Variants in NPEPL1 observed in about 807,000 individuals in gnomAD.
NPEPL1 encodes probable aminopeptidase NPEPL1.
In NPEPL1, 45 loss-of-function variants were observed where a neutral mutation model predicts 52.4. That is an observed-to-expected ratio of 0.86 (90% CI 0.68 to 1.10). NPEPL1 has a LOEUF of 1.10. NPEPL1 is among the 50% of genes least tolerant of loss of function. NPEPL1 has a pLI of 0.00. For missense variants in NPEPL1, 696 were observed against 710.9 expected (o/e 0.98, Z 0.24); for synonymous variants, 360 against 314.7 (o/e 1.14, Z -1.52).
At chr20:58,697,123 G>A (rs778760787) in intron 3 of NPEPL1, among the ~76,000 whole-genome samples, 41 of 152,216 alleles carry the variant, frequency 2.7e-4, no homozygotes, top group African/African-American at 7.2e-4. Flanking sequence ...TCCCTTGGAC[G>A]TCTCTGAATT....
At position 58,693,019 on chromosome 20, in the gene NPEPL1, G is replaced by T; in HGVS notation, c.119G>T (p.Arg40Leu). 1 of 1,089,988 alleles carries T rather than the reference G, an allele frequency of 9.2e-7. No individual in the cohort carries two copies. 67.5% of individuals were successfully genotyped at this position (1,089,988 alleles called of 1,614,324 possible). The change falls in exon 1 of 12, where the codon CGC becomes CTC. Residue 40 changes from arginine (R) to leucine (L), a missense_variant. Arg to Leu is a moderately radical substitution (Grantham distance 102, BLOSUM62 -2). Transcript: ENST00000356091. ...CACCGCGTGCCCTGGAGCCACGTCC[G>T]CGGGAAGCTGCAGCCCCGGGTCACC... is the stretch of plus-strand genomic sequence containing the variant. ...HLHRVPWSHV[R>L]GKLQPRVTEE...
At chr20:58,711,207 G>A (rs1037330649) in intron 7 of NPEPL1, 3 of 151,192 alleles carry the variant, frequency 2.0e-5, no homozygotes, top group Non-Finnish European at 4.4e-5. Context: ...TCCTTTGTTG[G>A]TGGAGCTCAT....
upstream of NPEPL1, chr20:58,692,682 G>A (rs1318556182): frequency 5.2e-6 from 2 of 387,288 alleles, no homozygotes; most frequent in Non-Finnish European, 7.0e-6. The surrounding 1 kb of genome is among the most constrained non-coding windows in gnomAD (Gnocchi z 5.7). Context: ...GCCCGGCCGG[G>A]CCTGCCCGCA....
chr20:58,703,590 G>A, intron 6 of NPEPL1: 1 of 985,316 alleles, frequency 1.0e-6, no homozygotes, highest in Non-Finnish European at 1.2e-6. Flanking sequence ...GTGGACCAAT[G>A]TGAGAAGATG....
At chr20:58,703,528 C>T (rs940184095) in intron 6 of NPEPL1, 4 of 985,104 alleles carry the variant, frequency 4.1e-6, no homozygotes, top group South Asian at 9.4e-5. Flanking sequence ...CTGGTAGAGT[C>T]GTGGACCCTC....
rs774942948 is a variant in NPEPL1, at chr20:58,694,544, T to C, written c.459T>C (p.Phe153=). The part of the protein sequence containing the change: ...RLEKKTVTVE[F]FLVGQDNGPV... ...AGAAGAAGACGGTCACCGTGGAGTT[T>C]TTCCTGGTGGGACAAGACAACGGGC... Residue 153 remains phenylalanine, a synonymous_variant, in exon 3 of 12, where the codon TTT becomes TTC. Transcript: ENST00000356091. 6.2e-7 allele frequency: 1 copy of C among 1,613,812 alleles called. No individual in the cohort carries two copies. Among genetic ancestry groups the C allele is most frequent in the African/African-American group, 1.3e-5 (1 of 74,908 alleles).
At chr20:58,706,752 C>G (rs905528868) in intron 6 of NPEPL1, among the ~76,000 whole-genome samples, 28 of 152,156 alleles carry the variant, frequency 1.8e-4, no homozygotes, top group African/African-American at 4.8e-4. Flanking sequence ...GTCAGGGTGC[C>G]CGGCGTCAAA....
Position 58,693,830 on chromosome 20 carries a change from A to C in NPEPL1, c.244A>C (p.Arg82=). Residue 82 remains arginine (R), a synonymous_variant, in exon 2 of 12, where the codon AGG becomes CGG. Transcript: ENST00000356091. ...CGCCACCGTGGCTGCCCTGCCCTGCAGGGTGAGCCGGCACAACAGCCCCTC... is the reference window on the plus strand; with the variant it reads ...CGCCACCGTGGCTGCCCTGCCCTGCCGGGTGAGCCGGCACAACAGCCCCTC... ...NYATVAALPC[R]VSRHNSPSAA... 1 of 1,613,646 alleles carries C rather than the reference A, an allele frequency of 6.2e-7. No homozygotes were observed. Among genetic ancestry groups the C allele is most frequent in the Admixed American group, 1.7e-5 (1 of 60,030 alleles).
At chr20:58,701,651 G>T (rs2084625112) in intron 6 of NPEPL1, among the ~76,000 whole-genome samples, 1 of 152,162 alleles carries the variant, frequency 6.6e-6, no homozygotes, top group Non-Finnish European at 1.5e-5. Flanking sequence ...AGGGCTTGCT[G>T]CTTGGGGGCT....
At chr20:58,692,660 G>C, upstream of NPEPL1, 1 of 277,280 alleles carries the variant, frequency 3.6e-6, no homozygotes, top group Non-Finnish European at 5.4e-6. This position sits in a 1 kb window ranked among gnomAD's most constrained non-coding sequence, Gnocchi z 5.7. Context: ...GCTCGGGGCC[G>C]GCTTCGGGCC....
intron 3 of NPEPL1, among the ~76,000 whole-genome samples, chr20:58,697,530 G>A (rs1404250383): frequency 1.3e-5 from 2 of 152,226 alleles, no homozygotes; most frequent in Admixed American, 6.5e-5. Context: ...CGGGGGAGGT[G>A]GCCAGGCTGC....
At chr20:58,696,795 G>A (rs1010414221) in intron 3 of NPEPL1, among the ~76,000 whole-genome samples, 2 of 152,252 alleles carry the variant, frequency 1.3e-5, no homozygotes, top group Non-Finnish European at 2.9e-5. Flanking sequence ...CACACAGCAC[G>A]TGCTGGTGCA....
In NPEPL1 at chr20:58,693,717, G is replaced by A. The variant is rs777419883; in HGVS notation, c.151-20G>A. The A allele has an allele frequency of 1.3e-6, 2 of 1,586,850 alleles. No individual in the cohort carries two copies. Among genetic ancestry groups the A allele is most frequent in the African/African-American group, 2.7e-5 (2 of 74,406 alleles). On this transcript the variant is annotated intron_variant, in intron 1 of 11. Transcript: ENST00000356091. ...CCGCTGTTTGAAGCCTCTGTGTCTT[G>A]TCTCTCCCTTCTGATCTAGCTCTGG...
At chr20:58,701,554 C>T (rs2084622763) in intron 6 of NPEPL1, among the ~76,000 whole-genome samples, 1 of 152,042 alleles carries the variant, frequency 6.6e-6, no homozygotes, top group Non-Finnish European at 1.5e-5. Context: ...GCCCACCCTT[C>T]AGAAGGGTCT....
At chr20:58,693,083 GCCGCGGAAGCCCAGGCCCGGGCGGC>G (rs1368898426) in intron 1 of NPEPL1, 33 bp downstream of exon 1, 1 of 1,000,798 alleles carries the variant, frequency 1.0e-6, no homozygotes, top group Non-Finnish European at 1.2e-6. Context: ...TGCGACCCGC[GCCGCGGAAGCCCAGGCCCGGGCGGC>G]CCGCGGAGGC....
rs756826440 is a variant in NPEPL1 at position 58,693,723 on chromosome 20, C to G, written c.151-14C>G. 6.3e-6 allele frequency: 10 copies of G among 1,590,002 alleles called. No individual in the cohort carries two copies. The Admixed American group carries it at 1.7e-4, about 27-fold the overall frequency. On this transcript the variant is annotated splice_polypyrimidine_tract_variant and intron_variant, in intron 1 of 11. Transcript: ENST00000356091. ...TTTGAAGCCTCTGTGTCTTGTCTCT[C>G]CCTTCTGATCTAGCTCTGGCAGGCT... is the stretch of plus-strand genomic sequence containing the variant.
Position 58,698,581 on chromosome 20 carries a change from T to C in NPEPL1, c.508-103T>C, listed in dbSNP as rs571251329. On this transcript the variant is annotated intron_variant, in intron 3 of 11. Transcript: ENST00000356091. ...CTCTTTGCTGCCCTGTCAGTAGCCC[T>C]GTGGGTGATGTTTGCCTCTGCTGCC... 2.0e-5 allele frequency: 18 copies of C among 902,610 alleles called. No homozygotes were observed. In the East Asian group the frequency reaches 4.1e-4, roughly 20 times the overall value. 55.9% of individuals were successfully genotyped at this position (902,610 alleles called of 1,614,324 possible). A position where few individuals can be genotyped will look rare whatever the true frequency, so the allele number is the denominator to read the frequency against.
intron 7 of NPEPL1, among the ~76,000 whole-genome samples, chr20:58,708,363 G>A (rs1245808389): frequency 2.6e-5 from 4 of 152,224 alleles, no homozygotes; most frequent in Non-Finnish European, 5.9e-5. Context: ...CCCAGCCGGT[G>A]GGGACACGGA....
At chr20:58,698,403 A>C (rs1390089957) in intron 3 of NPEPL1, among the ~76,000 whole-genome samples, 1 of 152,104 alleles carries the variant, frequency 6.6e-6, no homozygotes, top group Non-Finnish European at 1.5e-5. Context: ...AAAGATCCAG[A>C]TACAGAAGGG....
Sources: gnomAD v4.1 joint callset for allele counts (sites outside exome capture counted in the v4.1 genomes callset) on GRCh38, gnomAD v4.1.1 for gene constraint, Gnocchi (gnomAD v3.1) non-coding constraint, MANE v1.5 for transcripts, NCBI Gene and HGNC (gene_info 2026-07-23, HGNC 2026-07-21) for gene names.